MC4R: variants seen among roughly 807,000 people sequenced by gnomAD.
The protein encoded by MC4R is melanocortin receptor 4.
In MC4R, 15 loss-of-function variants were observed where a neutral mutation model predicts 16.1. The observed-to-expected ratio is 0.93, with a 90% CI of 0.62 to 1.44. MC4R has a LOEUF of 1.44. Among genes scored for constraint, MC4R ranks in the 40% most tolerant of loss-of-function variants. The pLI is 0.00. For missense variants in MC4R, 416 were observed against 411.4 expected (o/e 1.01, Z -0.10); for synonymous variants, 162 against 151.7 (o/e 1.07, Z -0.50).
At position 60,371,908 on chromosome 18, in the gene MC4R, A is replaced by G. The variant is rs1915352198; in HGVS notation, c.442T>C (p.Tyr148His). 1.2e-6 allele frequency: 2 copies of G among 1,614,054 alleles called. No homozygotes were observed. Among genetic ancestry groups the G allele is most frequent in the Admixed American group, 1.7e-5 (1 of 60,010 alleles). The change falls in exon 1 of 1, where the codon TAC becomes CAC. Residue 148 changes from tyrosine to histidine, a missense_variant. Transcript: ENST00000299766. ...TGGAGAGCATAGAAGATAGTAAAGT[A>G]CCTGTCCACTGCAATTGAAAGCAGG... ...CSLLSIAVDR[Y>H]FTIFYALQYH...
Position 60,371,250 on chromosome 18 carries a change from C to T in MC4R, c.*101G>A, listed in dbSNP as rs1281116227. 4 of 1,233,816 alleles carry T rather than the reference C, an allele frequency of 3.2e-6. No homozygotes were observed. In the Admixed American group the frequency reaches 6.7e-5, roughly 21 times the overall value. 76.4% of individuals were successfully genotyped at this position (1,233,816 alleles called of 1,614,324 possible). A position where few individuals can be genotyped will look rare whatever the true frequency, so the allele number is the denominator to read the frequency against. The stretch of plus-strand genomic sequence containing the variant: ...ACAATGGATATTCTCAACCAGTACC[C>T]TACACGGAAGAGAAAGCTGTTGCAG... On this transcript the variant is annotated 3_prime_UTR_variant, in exon 1 of 1. Transcript: ENST00000299766.
Position 60,371,095 on chromosome 18 carries a change from T to G in MC4R, c.*256A>C. 1 of 465,822 alleles carries G rather than the reference T, an allele frequency of 2.1e-6. No homozygotes were observed. The highest frequency in any genetic ancestry group is 3.9e-6 in the Non-Finnish European group (1 of 254,862). 28.9% of individuals were successfully genotyped at this position (465,822 alleles called of 1,614,324 possible). ...TAAGCTTTTAATAAGGACTTTTCTTTTTGTAAATCCACAGTGCCTACAACC... is the reference window on the plus strand; with the variant it reads ...TAAGCTTTTAATAAGGACTTTTCTTGTTGTAAATCCACAGTGCCTACAACC... On this transcript the variant is annotated 3_prime_UTR_variant, in exon 1 of 1. Transcript: ENST00000299766.
At position 60,371,073 on chromosome 18, in the gene MC4R, G is replaced by A. The variant is rs924446155; in HGVS notation, c.*278C>T. On this transcript the variant is annotated 3_prime_UTR_variant, in exon 1 of 1. Transcript: ENST00000299766. ...AATAACACGAAGGAGACATTGTTAA[G>A]CTTTTAATAAGGACTTTTCTTTTTG... is the stretch of plus-strand genomic sequence containing the variant. 2.4e-6 allele frequency: 1 copy of A among 417,480 alleles called. No homozygotes were observed. Among genetic ancestry groups the A allele is most frequent in the East Asian group, 5.0e-5 (1 of 19,924 alleles). The allele number at this position is 417,480 out of a possible 1,614,324, so 25.9% of individuals were successfully genotyped here.
rs1457910782 is a variant in MC4R at position 60,371,524 on chromosome 18, A to G, written c.826T>C (p.Tyr276His). The G allele has an allele frequency of 6.2e-7, 1 of 1,614,202 alleles. No individual in the cohort carries two copies. The highest frequency in any genetic ancestry group is 2.2e-5 in the East Asian group (1 of 44,888). ...AAGTGAGACATGAAGCACACACAAT[A>G]TGGATTCTGAGGACAAGAGATGTAG... ...IFYISCPQNP[Y>H]CVCFMSHFNL... The change falls in exon 1 of 1, where the codon TAT (tyrosine) becomes CAT (histidine). Residue 276 changes from tyrosine (Y) to histidine (H), a missense_variant. Transcript: ENST00000299766.
Position 60,372,509 on chromosome 18 carries a change from G to A in MC4R, c.-160C>T. ...ATGTCACAAGTCCAGAGCTTGACAT[G>A]GAGTTTTTAGTCTCTTTTAGGTACG... On this transcript the variant is annotated 5_prime_UTR_variant, in exon 1 of 1. Transcript: ENST00000299766. 1 of 741,072 alleles carries A rather than the reference G, an allele frequency of 1.3e-6. No homozygotes were observed. The highest frequency in any genetic ancestry group is 1.6e-5 in the South Asian group (1 of 64,138). 45.9% of individuals were successfully genotyped at this position (741,072 alleles called of 1,614,324 possible).
At position 60,371,564 on chromosome 18, in the gene MC4R, GA is replaced by G. The variant is rs1915339296; in HGVS notation, c.785del (p.Phe262SerfsTer4). On this transcript the variant is annotated frameshift_variant, in exon 1 of 1. Transcript: ENST00000299766. LOFTEE classifies it high-confidence loss of function. ...AAGAGATGTAGAATATTAAGTGGAG[GA>G]AGAATGGGGCCCAGCAGACAACAAA... ...GVFVVCWAPF[F>X]LHLIFYISCP... The G allele has an allele frequency of 6.2e-7, 1 of 1,614,208 alleles. No individual in the cohort carries two copies. The highest frequency in any genetic ancestry group is 8.5e-7 in the Non-Finnish European group (1 of 1,180,034).
In MC4R at chr18:60,372,167, C is replaced by T. The variant is rs1324120057; in HGVS notation, c.183G>A (p.Glu61=). 6.2e-7 allele frequency: 1 copy of T among 1,614,198 alleles called. No individual in the cohort carries two copies. The part of the protein sequence containing the change: ...FVTLGVISLL[E]NILVIVAIAK... ...CTATTGCCACAATCACTAAGATATT[C>T]TCCAACAAGCTGATGACACCCAGAG... The change falls in exon 1 of 1, where the codon GAG becomes GAA. Residue 61 remains glutamate (E), a synonymous_variant. Coordinates refer to ENST00000299766, the MANE Select transcript of MC4R (RefSeq NM_005912.3).
rs1373340959 is a variant in MC4R at position 60,372,174 on chromosome 18, A to G, written c.176T>C (p.Leu59Ser). The G allele has an allele frequency of 6.2e-7, 1 of 1,614,118 alleles. No individual in the cohort carries two copies. Among genetic ancestry groups the G allele is most frequent in the East Asian group, 2.2e-5 (1 of 44,894 alleles). Reference sequence around the variant, plus strand: ...CACAATCACTAAGATATTCTCCAACAAGCTGATGACACCCAGAGTCACAAA... The same window carrying G: ...CACAATCACTAAGATATTCTCCAACGAGCTGATGACACCCAGAGTCACAAA... ...EVFVTLGVIS[L>S]LENILVIVAI... The change falls in exon 1 of 1, where the codon TTG becomes TCG. Residue 59 changes from leucine (L) to serine (S), a missense_variant. Transcript: ENST00000299766.
chr18:60,372,682 G>T lies in MC4R; in HGVS notation c.-333C>A, dbSNP rs1036617639. On this transcript the variant is annotated 5_prime_UTR_variant, in exon 1 of 1. Transcript: ENST00000299766. ...GTTCAAAATAATTTTCCTTGAAGCT[G>T]CCATGCCATTGGGAGACGAATCTGT... 2.7e-6 allele frequency: 1 copy of T among 366,026 alleles called. No individual in the cohort carries two copies. Among genetic ancestry groups the T allele is most frequent in the Non-Finnish European group, 5.5e-6 (1 of 182,742 alleles). 22.7% of individuals were successfully genotyped at this position (366,026 alleles called of 1,614,324 possible). A position where few individuals can be genotyped will look rare whatever the true frequency, so the allele number is the denominator to read the frequency against.
At position 60,372,441 on chromosome 18, in the gene MC4R, C is replaced by G. The variant is rs899101823; in HGVS notation, c.-92G>C. 5 of 1,445,134 alleles carry G rather than the reference C, an allele frequency of 3.5e-6. No individual in the cohort carries two copies. The Admixed American group carries it at 9.6e-5, about 28-fold the overall frequency. The allele number at this position is 1,445,134 out of a possible 1,614,324, so 89.5% of individuals were successfully genotyped here. A position where few individuals can be genotyped will look rare whatever the true frequency, so the allele number is the denominator to read the frequency against. On this transcript the variant is annotated 5_prime_UTR_variant, in exon 1 of 1. Transcript: ENST00000299766. Reference sequence around the variant, plus strand: ...TTATTTCCTCCAAGTCTTTATCTGTCTGAAAGTTGTGAGGCTAAAATTGCC... The same window carrying G: ...TTATTTCCTCCAAGTCTTTATCTGTGTGAAAGTTGTGAGGCTAAAATTGCC...
In MC4R at chr18:60,371,688, A is replaced by G. The variant is rs1485377383; in HGVS notation, c.662T>C (p.Leu221Pro). The G allele has an allele frequency of 6.2e-7, 1 of 1,614,220 alleles. No individual in the cohort carries two copies. Among genetic ancestry groups the G allele is most frequent in the Admixed American group, 1.7e-5 (1 of 60,024 alleles). ...LYVHMFLMAR[L>P]HIKRIAVLPG... ...GAGGACAGCAATCCTCTTAATGTGA[A>G]GCCTGGCCATCAGGAACATGTGGAC... Residue 221 changes from leucine to proline, a missense_variant, in exon 1 of 1, where the codon CTT becomes CCT. Physicochemically the swap from Leu to Pro is moderately conservative, Grantham distance 98. Coordinates refer to ENST00000299766, the MANE Select transcript of MC4R (RefSeq NM_005912.3).
At position 60,371,851 on chromosome 18, in the gene MC4R, C is replaced by A; in HGVS notation, c.499G>T (p.Gly167Trp). Reference protein sequence around the residue: ...YHNIMTVKRVGIIISCIWAAC... With the variant: ...YHNIMTVKRVWIIISCIWAAC... The stretch of plus-strand genomic sequence containing the variant: ...GCCCAGATACAACTTATGATGATCC[C>A]AACCCGCTTAACTGTCATAATGTTA... Residue 167 changes from glycine to tryptophan, a missense_variant, in exon 1 of 1, where the codon GGG (glycine) becomes TGG (tryptophan). Gly to Trp is a radical substitution (Grantham distance 184). Transcript: ENST00000299766. 1 of 1,614,082 alleles carries A rather than the reference C, an allele frequency of 6.2e-7. No homozygotes were observed. Among genetic ancestry groups the A allele is most frequent in the Non-Finnish European group, 8.5e-7 (1 of 1,180,028 alleles).
Position 60,372,040 on chromosome 18 carries a change from T to G in MC4R, c.310A>C (p.Ile104Leu). 6.2e-7 allele frequency: 1 copy of G among 1,614,208 alleles called. No individual in the cohort carries two copies. The highest frequency in any genetic ancestry group is 8.5e-7 in the Non-Finnish European group (1 of 1,180,036). The part of the protein sequence containing the change: ...SVSNGSETIV[I>L]TLLNSTDTDA... ...GTATCTGTACTGTTTAATAGGGTGATGACAATGGTTTCTGATCCATTTGAA... is the reference window on the plus strand; with the variant it reads ...GTATCTGTACTGTTTAATAGGGTGAGGACAATGGTTTCTGATCCATTTGAA... Residue 104 changes from isoleucine (I) to leucine (L), a missense_variant, in exon 1 of 1, where the codon ATC becomes CTC. Physicochemically the swap from Ile to Leu is conservative, Grantham distance 5 (BLOSUM62 2). Transcript: ENST00000299766.
At position 60,371,374 on chromosome 18, in the gene MC4R, A is replaced by G. The variant is rs1217150149; in HGVS notation, c.976T>C (p.Cys326Arg). 3.1e-6 allele frequency: 5 copies of G among 1,614,068 alleles called. No individual in the cohort carries two copies. Among genetic ancestry groups the G allele is most frequent in the Non-Finnish European group, 3.4e-6 (4 of 1,180,032 alleles). ...ATTTAATATCTGCTAGACAAGTCAC[A>G]AAGGCCTCCCAGGGGATAGCAACAG... ...IICCYPLGGLCDLSSRY is the reference protein window; with the variant it reads ...IICCYPLGGLRDLSSRY The change falls in exon 1 of 1, where the codon TGT becomes CGT. Residue 326 changes from cysteine (C) to arginine (R), a missense_variant. Cys to Arg is a radical substitution (Grantham distance 180). Coordinates refer to ENST00000299766, the MANE Select transcript of MC4R (RefSeq NM_005912.3).
At position 60,372,146 on chromosome 18, in the gene MC4R, T is replaced by C. The variant is rs756756728; in HGVS notation, c.204A>G (p.Ala68=). Residue 68 remains alanine (A), a synonymous_variant, in exon 1 of 1, where the codon GCA becomes GCG. Transcript: ENST00000299766. The stretch of plus-strand genomic sequence containing the variant: ...AATGCAGATTCTTGTTCTTGGCTAT[T>C]GCCACAATCACTAAGATATTCTCCA... ...SLLENILVIV[A]IAKNKNLHSP... The C allele has an allele frequency of 5.6e-6, 9 of 1,614,250 alleles. 1 individual carries two copies. In the East Asian group the frequency reaches 2.0e-4, roughly 36 times the overall value.
Position 60,371,343 on chromosome 18 carries a change from G to C in MC4R, c.*8C>G. 1 of 1,613,990 alleles carries C rather than the reference G, an allele frequency of 6.2e-7. No individual in the cohort carries two copies. The highest frequency in any genetic ancestry group is 1.1e-5 in the South Asian group (1 of 91,056). ...TGCATGTTCCTATATTGCGTGCTCT[G>C]TCCCCATTTAATATCTGCTAGACAA... On this transcript the variant is annotated 3_prime_UTR_variant, in exon 1 of 1. Transcript: ENST00000299766.
In MC4R at chr18:60,372,267, C is replaced by A. The variant is rs1230316014; in HGVS notation, c.83G>T (p.Ser28Ile). 2 of 1,614,124 alleles carry A rather than the reference C, an allele frequency of 1.2e-6. No homozygotes were observed. The highest frequency in any genetic ancestry group is 1.7e-6 in the Non-Finnish European group (2 of 1,180,054). ...AGAGTAGCCTTTTCCAAGGGACTCA[C>A]TGGCATTGCTGTGCAGTCTGTAACT... ...RSSYRLHSNA[S>I]ESLGKGYSDG... Residue 28 changes from serine (S) to isoleucine (I), a missense_variant, in exon 1 of 1, where the codon AGT becomes ATT. Ser to Ile is a moderately radical substitution (Grantham distance 142). Coordinates refer to ENST00000299766, the MANE Select transcript of MC4R (RefSeq NM_005912.3).
rs1485034384 is a variant in MC4R at position 60,372,413 on chromosome 18, C to A, written c.-64G>T. ...AACCTCCTGGGTCAGGGAGTCGTCT[C>A]AGTTATTTCCTCCAAGTCTTTATCT... is the stretch of plus-strand genomic sequence containing the variant. On this transcript the variant is annotated 5_prime_UTR_variant, in exon 1 of 1. Coordinates refer to ENST00000299766, the MANE Select transcript of MC4R (RefSeq NM_005912.3). The A allele has an allele frequency of 6.4e-7, 1 of 1,557,932 alleles. No individual in the cohort carries two copies. The highest frequency in any genetic ancestry group is 1.7e-5 in the Admixed American group (1 of 57,164).
chr18:60,371,962 A>T lies in MC4R; in HGVS notation c.388T>A (p.Cys130Ser). 6.2e-7 allele frequency: 1 copy of T among 1,614,182 alleles called. No homozygotes were observed. Among genetic ancestry groups the T allele is most frequent in the Middle Eastern group, 1.6e-4 (1 of 6,062 alleles). Reference sequence around the variant, plus strand: ...CAAATGGATGCAAGCAAGGAGCTACAGATCACCGAGTCAATGACATTATCA... The same window carrying T: ...CAAATGGATGCAAGCAAGGAGCTACTGATCACCGAGTCAATGACATTATCA... ...NIDNVIDSVI[C>S]SSLLASICSL... The change falls in exon 1 of 1, where the codon TGT becomes AGT. Residue 130 changes from cysteine to serine, a missense_variant. Physicochemically the swap from Cys to Ser is moderately radical, Grantham distance 112 (BLOSUM62 -1). Transcript: ENST00000299766.
Sources: allele counts gnomAD v4.1 joint callset, GRCh38; gene constraint gnomAD v4.1.1; transcripts MANE v1.5; gene names NCBI Gene and HGNC (gene_info 2026-07-23, HGNC 2026-07-21).